The following NPAS3 variants were observed in gnomAD, a reference collection of about 807,000 sequenced individuals.
NPAS3 encodes the protein neuronal PAS domain-containing protein 3.
NPAS3 carries 14 observed loss-of-function variants against 73.1 expected under a neutral mutation model. The observed-to-expected ratio is 0.19, with a 90% CI of 0.13 to 0.30. The LOEUF (loss-of-function observed/expected upper bound fraction) is 0.30, where lower values mean the gene tolerates loss of function less well. Ranked by LOEUF, NPAS3 falls within the 10% of genes least tolerant of loss-of-function variation. The pLI, the probability that NPAS3 is intolerant of heterozygous loss-of-function variation, is 1.00. For missense variants in NPAS3, 1,096 were observed against 1,250.0 expected (o/e 0.88, Z 1.86); for synonymous variants, 620 against 541.5 (o/e 1.14, Z -2.01).
At chr14:33,275,112 C>A (rs572191677) in intron 3 of NPAS3, among the ~76,000 whole-genome samples, 1 of 152,206 alleles carries the variant, frequency 6.6e-6, no homozygotes, top group East Asian at 1.9e-4. Flanking sequence ...AAATAAGAAT[C>A]CAGATAATAA....
chr14:33,419,157 A>G (rs2139005322), intron 4 of NPAS3, among the ~76,000 whole-genome samples: 1 of 152,056 alleles, frequency 6.6e-6, no homozygotes, highest in African/African-American at 2.4e-5. Flanking sequence ...TTTAAGAAGA[A>G]GTTAGTATGA....
intron 3 of NPAS3, among the ~76,000 whole-genome samples, chr14:33,333,866 T>A (rs2044096057): frequency 6.6e-6 from 1 of 152,150 alleles, no homozygotes. Flanking sequence ...ATCAGAAAAG[T>A]CATAAGTAAA....
At chr14:33,310,147 C>A (rs951859745) in intron 3 of NPAS3, among the ~76,000 whole-genome samples, 1 of 152,148 alleles carries the variant, frequency 6.6e-6, no homozygotes, top group Non-Finnish European at 1.5e-5. Context: ...TCCATGTGTA[C>A]ACACACGTCT....
chr14:33,662,736 T>C (rs766502590), intron 5 of NPAS3, among the ~76,000 whole-genome samples: 4 of 152,148 alleles, frequency 2.6e-5, no homozygotes, highest in Non-Finnish European at 5.9e-5. Flanking sequence ...TCACTCATGA[T>C]TTAGGTCTCT....
chr14:33,740,724 T>G (rs1474110224), intron 7 of NPAS3, among the ~76,000 whole-genome samples: 4 of 152,224 alleles, frequency 2.6e-5, no homozygotes, highest in Non-Finnish European at 5.9e-5. Context: ...CAGTTGAAGA[T>G]TCCATTCAGA....
chr14:33,362,325 CA>C (rs1381249546), intron 3 of NPAS3, among the ~76,000 whole-genome samples: 1 of 152,126 alleles, frequency 6.6e-6, no homozygotes, highest in Non-Finnish European at 1.5e-5. Context: ...ATATTACATG[CA>C]AACTGAGAAA....
intron 1 of NPAS3, among the ~76,000 whole-genome samples, chr14:32,976,363 A>G (rs1009583833): frequency 4.6e-5 from 7 of 152,182 alleles, no homozygotes; most frequent in African/African-American, 1.7e-4. Flanking sequence ...TTTGATTCAG[A>G]AAGGAAATAA....
intron 2 of NPAS3, among the ~76,000 whole-genome samples, chr14:33,102,292 G>C (rs1201502781): frequency 6.6e-6 from 1 of 152,148 alleles, no homozygotes; most frequent in African/African-American, 2.4e-5. Flanking sequence ...AAACTAGGGA[G>C]AAAGGGGGAA....
intron 4 of NPAS3, among the ~76,000 whole-genome samples, chr14:33,515,039 A>G (rs1232672653): frequency 1.3e-5 from 2 of 152,130 alleles, no homozygotes; most frequent in African/African-American, 4.8e-5. Context: ...CCAATGTTAC[A>G]CAGCGAATCT....
At chr14:32,964,658 T>A (rs562609242) in intron 1 of NPAS3, among the ~76,000 whole-genome samples, 1 of 152,282 alleles carries the variant, frequency 6.6e-6, no homozygotes, top group African/African-American at 2.4e-5. Context: ...TTTTAAAATG[T>A]GTAATTAGAG....
chr14:33,096,766 G>A (rs2042431699), intron 2 of NPAS3, among the ~76,000 whole-genome samples: 1 of 152,158 alleles, frequency 6.6e-6, no homozygotes, highest in African/African-American at 2.4e-5. Context: ...GCTGCAGAAT[G>A]TTCCAGTAAC....
intron 4 of NPAS3, among the ~76,000 whole-genome samples, chr14:33,553,484 A>G (rs1303599160): frequency 6.6e-6 from 1 of 152,230 alleles, no homozygotes; most frequent in African/African-American, 2.4e-5. Flanking sequence ...GTTTTGAGGC[A>G]TCACAGTTTG....
intron 4 of NPAS3, among the ~76,000 whole-genome samples, chr14:33,547,969 T>G (rs2054924504): frequency 6.6e-6 from 1 of 152,262 alleles, no homozygotes; most frequent in Non-Finnish European, 1.5e-5. Flanking sequence ...CTTCTGATTC[T>G]AGACTAAGAT....
At chr14:33,767,859 G>A (rs1285116854) in intron 7 of NPAS3, among the ~76,000 whole-genome samples, 3 of 152,104 alleles carry the variant, frequency 2.0e-5, no homozygotes, top group Non-Finnish European at 4.4e-5. Context: ...TTTGTGATGG[G>A]CCTGTTTATA....
At chr14:33,104,977 G>A (rs959704795) in intron 2 of NPAS3, among the ~76,000 whole-genome samples, 5 of 152,278 alleles carry the variant, frequency 3.3e-5, no homozygotes, top group Non-Finnish European at 2.9e-5. Context: ...GATGTGTAAG[G>A]AAGGTTTTAC....
At chr14:33,551,875 A>G (rs928179049) in intron 4 of NPAS3, among the ~76,000 whole-genome samples, 4 of 152,238 alleles carry the variant, frequency 2.6e-5, no homozygotes, top group Non-Finnish European at 1.5e-5. Context: ...TCCCCAAAAC[A>G]ACACCAACCT....
chr14:33,369,404 C>CAAAAAAAAAAAAAAAAAAAAA (rs3058296), intron 4 of NPAS3, among the ~76,000 whole-genome samples: 12 of 90,932 alleles, frequency 1.3e-4, no homozygotes, highest in Non-Finnish European at 2.4e-4. Context: ...GCCTCATTTC[C>CAAAAAAAAAAAAAAAAAAAAA]AAAAAAAAAA....
intron 1 of NPAS3, among the ~76,000 whole-genome samples, chr14:32,967,037 C>T (rs1475794633): frequency 6.6e-6 from 1 of 152,076 alleles, no homozygotes; most frequent in East Asian, 1.9e-4. Flanking sequence ...TGACAAAGGG[C>T]TAATATCCAG....
rs369795195 is a variant in NPAS3 at position 33,801,018 on chromosome 14, C to G, written c.2711C>G (p.Thr904Ser). ...CAGATGCCCGCCGGCAACGTGTTCACCACGGCCGAGGGACTCTTCTCCACG... is the reference window on the plus strand; with the variant it reads ...CAGATGCCCGCCGGCAACGTGTTCAGCACGGCCGAGGGACTCTTCTCCACG... Residue 904 changes from threonine to serine, a missense_variant, in exon 12 of 12, where the codon ACC becomes AGC. Coordinates refer to ENST00000356141, the Ensembl canonical transcript of NPAS3. The G allele has an allele frequency of 3.1e-6, 5 of 1,589,836 alleles. No homozygotes were observed. The Admixed American group carries it at 5.3e-5, about 17-fold the overall frequency.
Sources: allele counts gnomAD v4.1 joint callset (sites outside exome capture counted in the v4.1 genomes callset), GRCh38; gene constraint gnomAD v4.1.1; transcripts MANE v1.5; gene names NCBI Gene and HGNC (gene_info 2026-07-23, HGNC 2026-07-21).